COL13A1: variants seen among roughly 807,000 people sequenced by gnomAD.
The protein encoded by COL13A1 is collagen type XIII alpha 1 chain.
Under a neutral mutation model 130.9 loss-of-function variants are expected in COL13A1, and 89 were observed. That is an observed-to-expected ratio of 0.68 (90% confidence interval 0.57 to 0.81). The LOEUF is 0.81. Among genes scored for constraint, COL13A1 ranks in the 30% least tolerant of loss-of-function variants. COL13A1 has a pLI of 0.00. For missense variants in COL13A1, 879 were observed against 934.6 expected (o/e 0.94, Z 0.78); for synonymous variants, 402 against 341.6 (o/e 1.18, Z -1.95).
At chr10:69,881,848 G>T (rs995558490) in intron 7 of COL13A1, among the ~76,000 whole-genome samples, 4 of 152,252 alleles carry the variant, frequency 2.6e-5, no homozygotes, top group African/African-American at 9.6e-5. Context: ...TGAGGAAACT[G>T]AGGCACAGAG....
chr10:69,953,700 G>A (rs978870335), intron 39 of COL13A1, among the ~76,000 whole-genome samples: 1 of 152,256 alleles, frequency 6.6e-6, no homozygotes, highest in Non-Finnish European at 1.5e-5. Context: ...CACTAAGTGA[G>A]TCTGTAGAGA....
chr10:69,906,817 G>C (rs773498196), intron 17 of COL13A1, among the ~76,000 whole-genome samples: 3 of 151,708 alleles, frequency 2.0e-5, no homozygotes, highest in Admixed American at 1.3e-4. Context: ...TGCAACCCCC[G>C]CCTCCCAGGT....
intron 1 of COL13A1, among the ~76,000 whole-genome samples, chr10:69,806,290 T>A (rs1015558193): frequency 1.3e-5 from 2 of 152,138 alleles, no homozygotes; most frequent in African/African-American, 4.8e-5. Flanking sequence ...GGGGTGGGAC[T>A]CCCATGCCAA....
Position 69,860,753 on chromosome 10 carries a change from A to G in COL13A1, c.365-7045A>G, listed in dbSNP as rs892990702. ...CCATTTTCCTGAGCCCCAGGCTGCT[A>G]TCCCCCATTCCAAGGGATGTGGGAC... On this transcript the variant is annotated intron_variant, in intron 2 of 40. Transcript: ENST00000645393. 5 of 253,010 alleles carry G rather than the reference A, an allele frequency of 2.0e-5. 1 individual carries two copies. The highest frequency in any genetic ancestry group is 1.9e-4 in the South Asian group (5 of 26,066). The allele number at this position is 253,010 out of a possible 1,614,324, so 15.7% of individuals were successfully genotyped here.
chr10:69,922,388 ATAGTTTG>A (rs760266870), intron 22 of COL13A1, among the ~76,000 whole-genome samples: 14 of 152,200 alleles, frequency 9.2e-5, no homozygotes, highest in African/African-American at 3.4e-4. Flanking sequence ...CATTTCTTAC[ATAGTTTG>A]GCCACCAATA....
chr10:69,812,126 T>A (rs1843207899), intron 1 of COL13A1, among the ~76,000 whole-genome samples: 1 of 152,176 alleles, frequency 6.6e-6, no homozygotes, highest in South Asian at 2.1e-4. Context: ...CTTCAGTAAC[T>A]CCCTATTGCT....
rs567303960 is a variant in COL13A1 at position 69,875,196 on chromosome 10, C to T, written c.435+33C>T. The T allele has an allele frequency of 5.0e-5, 81 of 1,613,590 alleles. No individual in the cohort carries two copies. The East Asian group carries it at 1.4e-3, about 28-fold the overall frequency. The stretch of plus-strand genomic sequence containing the variant: ...GGCCCGTTTGTACCTGCTCAGGTGG[C>T]CATTGCTTGCTTCTCCGTGCTGGCC... On this transcript the variant is annotated intron_variant, in intron 5 of 40. Transcript: ENST00000645393.
chr10:69,919,029 G>A (rs755359596), intron 19 of COL13A1, 33 bp from the exon 20 acceptor site: 8 of 1,613,902 alleles, frequency 5.0e-6, no homozygotes, highest in East Asian at 2.2e-5. Flanking sequence ...TGCTTTTTCT[G>A]TCTCTCACAT....
At chr10:69,858,884 C>A (rs1857197919) in intron 2 of COL13A1, among the ~76,000 whole-genome samples, 1 of 152,172 alleles carries the variant, frequency 6.6e-6, no homozygotes, top group Non-Finnish European at 1.5e-5. Context: ...GCCAATTTAC[C>A]AGCTGTGTGA....
intron 38 of COL13A1, among the ~76,000 whole-genome samples, chr10:69,950,859 T>C (rs2069425621): frequency 6.6e-6 from 1 of 152,152 alleles, no homozygotes; most frequent in South Asian, 2.1e-4. Flanking sequence ...GTTTGTTTGT[T>C]TGTTTGTTTG....
intron 17 of COL13A1, among the ~76,000 whole-genome samples, chr10:69,913,450 T>C (rs1273771804): frequency 6.6e-6 from 1 of 152,132 alleles, no homozygotes; most frequent in African/African-American, 2.4e-5. Flanking sequence ...TGAGCACAAT[T>C]ACTAATACAC....
intron 17 of COL13A1, among the ~76,000 whole-genome samples, chr10:69,906,718 G>C (rs1191280583): frequency 6.6e-6 from 1 of 151,832 alleles, no homozygotes; most frequent in Admixed American, 6.6e-5. Context: ...TTGTTTGTTT[G>C]TTTGTTTTTT....
intron 26 of COL13A1, 126 bp from the exon 27 acceptor site, chr10:69,926,961 A>G: frequency 2.3e-6 from 3 of 1,307,130 alleles, no homozygotes; most frequent in South Asian, 1.2e-5. Context: ...CCCACCTGCA[A>G]GCGTCTCCCT....
At chr10:69,872,100 G>T (rs2059129140) in intron 3 of COL13A1, 84 bp from the exon 4 acceptor site, 7 of 1,542,416 alleles carry the variant, frequency 4.5e-6, no homozygotes, top group Middle Eastern at 1.7e-4. Flanking sequence ...GCATGCCAAG[G>T]TCACACAGCT....
chr10:69,878,332 A>T (rs762149133), intron 6 of COL13A1, among the ~76,000 whole-genome samples: 2 of 152,164 alleles, frequency 1.3e-5, no homozygotes, highest in Non-Finnish European at 2.9e-5. Context: ...ATGAGGCCTC[A>T]TCGCTCTGGC....
In COL13A1 at chr10:69,930,515, A is replaced by T. The variant is rs745437299; in HGVS notation, c.1646A>T (p.Lys549Met). The change falls in exon 30 of 41, where the codon AAG becomes ATG. Residue 549 changes from lysine (K) to methionine (M), a missense_variant. By Grantham distance (95) the Lys-to-Met change is moderately conservative. Coordinates refer to ENST00000645393, the MANE Select transcript of COL13A1 (RefSeq NM_001368882.1). ...ENGHPGSPGE[K>M]GEKGETGQAG... ...GGGCACCCAGGGAGCCCAGGAGAGA[A>T]GGGGGAAAAAGGGGAGACAGGACAA... The T allele has an allele frequency of 6.2e-7, 1 of 1,613,666 alleles. No homozygotes were observed. Among genetic ancestry groups the T allele is most frequent in the Admixed American group, 1.7e-5 (1 of 60,008 alleles).
At chr10:69,879,150 A>C (rs1055919568) in intron 6 of COL13A1, among the ~76,000 whole-genome samples, 6 of 152,176 alleles carry the variant, frequency 3.9e-5, no homozygotes, top group Non-Finnish European at 8.8e-5. Context: ...CCCGGGTCAC[A>C]CAGCTAGAAT....
intron 2 of COL13A1, among the ~76,000 whole-genome samples, chr10:69,850,005 G>C (rs1854295029): frequency 6.6e-6 from 1 of 152,154 alleles, no homozygotes; most frequent in Admixed American, 6.5e-5. Flanking sequence ...ATCAAAGCGG[G>C]ATTTGCAGAG....
At chr10:69,929,256 T>A (rs1195370834) in intron 28 of COL13A1, among the ~76,000 whole-genome samples, 18 of 151,898 alleles carry the variant, frequency 1.2e-4, no homozygotes, top group Admixed American at 1.2e-3. Flanking sequence ...CCCCTGCCCT[T>A]GCCCCAACCA....
Sources: gnomAD v4.1 joint callset for allele counts (sites outside exome capture counted in the v4.1 genomes callset) on GRCh38, gnomAD v4.1.1 for gene constraint, MANE v1.5 for transcripts, NCBI Gene and HGNC (gene_info 2026-07-23, HGNC 2026-07-21) for gene names.